Variants in LDLRAD4 observed in about 807,000 individuals in gnomAD.
LDLRAD4 encodes low-density lipoprotein receptor class A domain-containing protein 4.
In LDLRAD4, 5 loss-of-function variants were observed where a neutral mutation model predicts 17.0. That is an observed-to-expected ratio of 0.29 (90% CI 0.15 to 0.62). LDLRAD4 has a LOEUF of 0.62. LDLRAD4 is among the 20% of genes least tolerant of loss of function. LDLRAD4 has a pLI of 0.84. For synonymous variants in LDLRAD4, 168 were observed against 171.8 expected (o/e 0.98, Z 0.17); for missense variants, 340 against 424.7 (o/e 0.80, Z 1.75).
rs1175680394 is a variant in LDLRAD4 at position 13,300,657 on chromosome 18, A to G, written c.-383+22469A>G. On this transcript the variant is annotated intron_variant, in intron 1 of 5. Coordinates refer to ENST00000359446, the Ensembl canonical transcript of LDLRAD4. This position sits in a 1 kb window ranked among gnomAD's most constrained non-coding sequence, Gnocchi z 4.2. ...AATTTGGCATCTTTAGTTCATCTTT[A>G]TATGATCAGCCCCTGCACCCAAGAA... Among the ~76,000 whole-genome samples, 1 of 152,092 alleles carries G rather than the reference A, an allele frequency of 6.6e-6. No homozygotes were observed. The highest frequency in any genetic ancestry group is 1.5e-5 in the Non-Finnish European group (1 of 68,008).
chr18:13,391,457 T>C (rs2145310619), intron 2 of LDLRAD4, among the ~76,000 whole-genome samples: 1 of 152,276 alleles, frequency 6.6e-6, no homozygotes, highest in Non-Finnish European at 1.5e-5. Flanking sequence ...GCCTCCTGGG[T>C]GAGTGTGGGT....
chr18:13,587,169 A>G (rs946239728), intron 3 of LDLRAD4, among the ~76,000 whole-genome samples: 1 of 152,168 alleles, frequency 6.6e-6, no homozygotes, highest in Non-Finnish European at 1.5e-5. Context: ...TGCTGGCCTC[A>G]TGCCCAGAGC....
At chr18:13,339,115 G>T (rs1407053101) in intron 1 of LDLRAD4, among the ~76,000 whole-genome samples, 1 of 151,994 alleles carries the variant, frequency 6.6e-6, no homozygotes, top group African/African-American at 2.4e-5. Flanking sequence ...GCAGCTTGAG[G>T]CTTTCACTGA....
At chr18:13,304,021 C>T (rs1339048156) in intron 1 of LDLRAD4, among the ~76,000 whole-genome samples, 1 of 152,210 alleles carries the variant, frequency 6.6e-6, no homozygotes, top group Non-Finnish European at 1.5e-5. Flanking sequence ...AAGCAAGCAC[C>T]TGGAAGGATT....
At chr18:13,455,636 A>G (rs2146460641) in intron 3 of LDLRAD4, among the ~76,000 whole-genome samples, 1 of 152,224 alleles carries the variant, frequency 6.6e-6, no homozygotes, top group Non-Finnish European at 1.5e-5. Flanking sequence ...CAGAAGGTGG[A>G]GAGGGGGCCA....
chr18:13,513,009 G>C (rs1019202346), intron 3 of LDLRAD4, among the ~76,000 whole-genome samples: 1 of 152,234 alleles, frequency 6.6e-6, no homozygotes, highest in Admixed American at 6.5e-5. Context: ...TTTGGCCACA[G>C]ATGCTAGTTG....
chr18:13,630,887 G>T (rs577948263), intron 4 of LDLRAD4, among the ~76,000 whole-genome samples: 2 of 152,326 alleles, frequency 1.3e-5, no homozygotes, highest in East Asian at 3.9e-4. Flanking sequence ...CCACTTAAAT[G>T]GATTTTCCAG....
In LDLRAD4 at chr18:13,440,847, G is replaced by A. The variant is rs1426442465; in HGVS notation, c.181+2463G>A. ...GTAATGTCAGAGCCATTGTGTACAC[G>A]GAGCAGGAATTCACGGGTGTCCACA... is the stretch of plus-strand genomic sequence containing the variant. On this transcript the variant is annotated intron_variant, in intron 3 of 5. Transcript: ENST00000359446. This position sits in a 1 kb window ranked among gnomAD's most constrained non-coding sequence, Gnocchi z 4.4. Among the ~76,000 whole-genome samples, 1 of 152,166 alleles carries A rather than the reference G, an allele frequency of 6.6e-6. No individual in the cohort carries two copies. The highest frequency in any genetic ancestry group is 1.9e-4 in the East Asian group (1 of 5,188).
At chr18:13,448,301 C>T (rs1422615502) in intron 3 of LDLRAD4, among the ~76,000 whole-genome samples, 3 of 152,140 alleles carry the variant, frequency 2.0e-5, no homozygotes, top group East Asian at 1.9e-4. Context: ...TTGTGGAAAC[C>T]GTTGGTCTTG....
intron 2 of LDLRAD4, 35 bp downstream of exon 3, chr18:13,387,797 C>T (rs765124344): frequency 1.9e-6 from 3 of 1,602,236 alleles, no homozygotes; most frequent in East Asian, 2.2e-5. Flanking sequence ...GGCTTTGCCT[C>T]CACTCCTGGG....
intron 4 of LDLRAD4, among the ~76,000 whole-genome samples, chr18:13,625,105 C>T (rs933885607): frequency 4.6e-5 from 7 of 152,184 alleles, no homozygotes; most frequent in South Asian, 2.1e-4. Flanking sequence ...CTCTGTGGAG[C>T]GCAGCCTCAT....
chr18:13,377,257 A>G (rs931853670), intron 1 of LDLRAD4, among the ~76,000 whole-genome samples: 12 of 152,194 alleles, frequency 7.9e-5, no homozygotes, highest in African/African-American at 2.9e-4. Context: ...CATCGGCTGA[A>G]ATATGCATCT....
chr18:13,424,789 A>G (rs575148322), intron 2 of LDLRAD4, among the ~76,000 whole-genome samples: 3 of 152,320 alleles, frequency 2.0e-5, no homozygotes, highest in Non-Finnish European at 4.4e-5. Flanking sequence ...AGGTGCAGTG[A>G]TGGGAAGCCA....
intron 1 of LDLRAD4, among the ~76,000 whole-genome samples, chr18:13,309,194 G>A (rs1334677016): frequency 6.6e-6 from 1 of 152,212 alleles, no homozygotes; most frequent in Non-Finnish European, 1.5e-5. Flanking sequence ...CACTTGCCCT[G>A]CACACCATGG....
At chr18:13,232,113 T>C (rs999774697) in intron 1 of LDLRAD4, among the ~76,000 whole-genome samples, 5 of 152,256 alleles carry the variant, frequency 3.3e-5, no homozygotes, top group African/African-American at 1.2e-4. Context: ...AGCTCTCTCC[T>C]GGTGGGCCAT....
chr18:13,260,633 T>A (rs2043763608), intron 1 of LDLRAD4, among the ~76,000 whole-genome samples: 1 of 152,170 alleles, frequency 6.6e-6, no homozygotes, highest in Non-Finnish European at 1.5e-5. Context: ...TCCTGTTGCT[T>A]TATTATTTAT....
intron 1 of LDLRAD4, among the ~76,000 whole-genome samples, chr18:13,250,068 C>T (rs1485386549): frequency 2.6e-5 from 4 of 152,160 alleles, no homozygotes; most frequent in Non-Finnish European, 5.9e-5. Flanking sequence ...CACTATTTAT[C>T]GAAGAGAATG....
intron 4 of LDLRAD4, among the ~76,000 whole-genome samples, chr18:13,635,632 A>G (rs907676960): frequency 1.3e-5 from 2 of 152,184 alleles, no homozygotes; most frequent in East Asian, 3.8e-4. Context: ...TTCACTGACC[A>G]TTCAGAAGGA....
intron 1 of LDLRAD4, among the ~76,000 whole-genome samples, chr18:13,299,604 GA>G (rs1188453707): frequency 1.3e-5 from 2 of 152,198 alleles, no homozygotes; most frequent in African/African-American, 2.4e-5. Flanking sequence ...AGCATTTTGG[GA>G]GGTCGAGGCA....
Sources: allele counts gnomAD v4.1 joint callset (sites outside exome capture counted in the v4.1 genomes callset), GRCh38; gene constraint gnomAD v4.1.1; non-coding constraint Gnocchi (gnomAD v3.1); transcripts MANE v1.5; gene names NCBI Gene and HGNC (gene_info 2026-07-23, HGNC 2026-07-21).